Variants in COMMD1 observed in about 807,000 individuals in gnomAD.
COMMD1 encodes the protein COMM domain-containing protein 1.
COMMD1 carries 10 observed loss-of-function variants against 17.2 expected under a neutral mutation model. The observed-to-expected ratio is 0.58, with a 90% confidence interval of 0.36 to 0.99. The LOEUF (loss-of-function observed/expected upper bound fraction) is 0.99. Ranked by LOEUF, COMMD1 falls within the 50% of genes least tolerant of loss-of-function variation. The pLI is 0.01. For synonymous variants in COMMD1, 97 were observed against 91.6 expected (o/e 1.06, Z -0.34); for missense variants, 270 against 231.8 (o/e 1.17, Z -1.07).
intron 1 of COMMD1, among the ~76,000 whole-genome samples, chr2:61,990,910 A>ACACACACACG (rs1672234189): frequency 6.8e-6 from 1 of 147,994 alleles, no homozygotes; most frequent in African/African-American, 2.5e-5. Context: ...ATATACACAC[A>ACACACACACG]CACACACACA....
chr2:62,055,527 ACT>A, intron 2 of COMMD1: 1 of 453,610 alleles, frequency 2.2e-6, no homozygotes, highest in East Asian at 7.0e-5. Context: ...AACCTTCAAA[ACT>A]GCTTTGCCAC....
In COMMD1 at chr2:62,040,771, C is replaced by T. The variant is rs550480205; in HGVS notation, c.462+39789C>T. On this transcript the variant is annotated intron_variant, in intron 2 of 2. Coordinates refer to ENST00000311832, the MANE Select transcript of COMMD1 (RefSeq NM_152516.4). The stretch of plus-strand genomic sequence containing the variant: ...TGTCACCCAAGCTAGAGTGCAGTGG[C>T]GCGATCTCGACTCACTGCAACTTCT... 1.4e-4 allele frequency among the ~76,000 whole-genome samples: 22 copies of T among 151,964 alleles called. 1 individual carries two copies. The highest frequency in any genetic ancestry group is 2.6e-4 in the Admixed American group (4 of 15,248).
At chr2:62,082,288 C>T (rs761068079) in intron 2 of COMMD1, among the ~76,000 whole-genome samples, 14 of 152,148 alleles carry the variant, frequency 9.2e-5, no homozygotes, top group Non-Finnish European at 2.1e-4. Flanking sequence ...ACCAGAATCT[C>T]GTAAATGTTC....
chr2:62,015,256 A>G (rs1301978373), intron 2 of COMMD1, among the ~76,000 whole-genome samples: 1 of 152,182 alleles, frequency 6.6e-6, no homozygotes, highest in Non-Finnish European at 1.5e-5. Flanking sequence ...TAGGTACCTC[A>G]TATAAATAGA....
intron 2 of COMMD1, among the ~76,000 whole-genome samples, chr2:62,051,153 T>C (rs1227085117): frequency 6.6e-6 from 1 of 152,094 alleles, no homozygotes; most frequent in African/African-American, 2.4e-5. Flanking sequence ...CTATATTTTA[T>C]TTAATTATAT....
intron 2 of COMMD1, among the ~76,000 whole-genome samples, chr2:62,012,214 G>A (rs865877607): frequency 4.0e-5 from 6 of 150,174 alleles, no homozygotes; most frequent in East Asian, 2.0e-4. Flanking sequence ...CCAAGATCAC[G>A]CCATTCCACT....
intron 2 of COMMD1, among the ~76,000 whole-genome samples, chr2:62,121,885 G>C (rs151121809): frequency 6.6e-6 from 1 of 152,112 alleles, no homozygotes; most frequent in Non-Finnish European, 1.5e-5. Flanking sequence ...TCTATCTCCC[G>C]GGCTCAGGTG....
intron 2 of COMMD1, among the ~76,000 whole-genome samples, chr2:62,030,836 T>A (rs1425873274): frequency 1.3e-5 from 2 of 152,204 alleles, no homozygotes; most frequent in Admixed American, 1.3e-4. Flanking sequence ...AAAAACAATA[T>A]ATTTTACAAT....
intron 2 of COMMD1, among the ~76,000 whole-genome samples, chr2:62,067,639 G>A (rs1671090629): frequency 6.6e-6 from 1 of 152,190 alleles, no homozygotes; most frequent in Non-Finnish European, 1.5e-5. Flanking sequence ...AGAATGGACA[G>A]TTATTTAGAA....
intron 1 of COMMD1, among the ~76,000 whole-genome samples, chr2:61,898,395 G>A: frequency 6.6e-6 from 1 of 152,224 alleles, no homozygotes; most frequent in East Asian, 1.9e-4. Context: ...AGGATAGCTT[G>A]AGCCAGGGAG....
At chr2:61,933,914 C>T (rs1234320111) in intron 1 of COMMD1, among the ~76,000 whole-genome samples, 1 of 152,060 alleles carries the variant, frequency 6.6e-6, no homozygotes, top group Non-Finnish European at 1.5e-5. Context: ...CAGGCATGTG[C>T]CACAATACCT....
chr2:62,077,399 TGGAA>T (rs1192937093), intron 2 of COMMD1, among the ~76,000 whole-genome samples: 4 of 152,198 alleles, frequency 2.6e-5, no homozygotes, highest in Non-Finnish European at 5.9e-5. Context: ...AAGTGACTGA[TGGAA>T]GGGAAAAACA....
chr2:61,976,898 GGCTCACTGGAACCTCT>G (rs1174145626), intron 1 of COMMD1, among the ~76,000 whole-genome samples: 1 of 150,758 alleles, frequency 6.6e-6, no homozygotes, highest in Non-Finnish European at 1.5e-5. Context: ...GTGTGGTCTC[GGCTCACTGGAACCTCT>G]GCCTCCTAGG....
chr2:61,943,760 G>A (rs538593953), intron 1 of COMMD1, among the ~76,000 whole-genome samples: 55 of 152,180 alleles, frequency 3.6e-4, no homozygotes, highest in East Asian at 1.2e-3. Flanking sequence ...GCTTGAACTC[G>A]GGAGGCAGAG....
At chr2:61,922,166 T>G (rs1670216238) in intron 1 of COMMD1, among the ~76,000 whole-genome samples, 1 of 152,208 alleles carries the variant, frequency 6.6e-6, no homozygotes, top group African/African-American at 2.4e-5. Flanking sequence ...TTTTTGGCAT[T>G]TAACTGTGAT....
chr2:62,059,529 A>G (rs1670797984), intron 2 of COMMD1, among the ~76,000 whole-genome samples: 1 of 152,144 alleles, frequency 6.6e-6, no homozygotes, highest in African/African-American at 2.4e-5. Context: ...TGAAAATAAT[A>G]TAGCCTCTCC....
intron 1 of COMMD1, among the ~76,000 whole-genome samples, chr2:61,925,222 G>A (rs1388361964): frequency 2.0e-5 from 3 of 151,808 alleles, no homozygotes; most frequent in Non-Finnish European, 2.9e-5. Flanking sequence ...AGTGAGTCCC[G>A]GCCAGAGTCT....
intron 2 of COMMD1, among the ~76,000 whole-genome samples, chr2:62,043,854 A>G (rs1670302971): frequency 6.6e-6 from 1 of 152,076 alleles, no homozygotes; most frequent in African/African-American, 2.4e-5. Context: ...TGGTATGTGT[A>G]TTTCATTCTT....
chr2:61,923,614 G>T (rs1158655202), intron 1 of COMMD1, among the ~76,000 whole-genome samples: 1 of 152,080 alleles, frequency 6.6e-6, no homozygotes, highest in East Asian at 1.9e-4. Flanking sequence ...GGATACCAAG[G>T]TCACTGTGAA....
Sources: gnomAD v4.1 joint callset for allele counts (sites outside exome capture counted in the v4.1 genomes callset) on GRCh38, gnomAD v4.1.1 for gene constraint, MANE v1.5 for transcripts, NCBI Gene and HGNC (gene_info 2026-07-23, HGNC 2026-07-21) for gene names.